Variants in ENTREP2 observed in about 807,000 individuals in gnomAD.
ENTREP2 encodes the protein protein ENTREP2.
chr15:29,119,200 C>T, the ENTREP2 span, among the ~76,000 whole-genome samples: 2 of 152,220 alleles, frequency 1.3e-5, no homozygotes, highest in African/African-American at 4.8e-5. Context: ...GAAAGCTGTT[C>T]CATAGGAGAC....
At chr15:29,664,428 C>T in the ENTREP2 span, among the ~76,000 whole-genome samples, 2 of 151,846 alleles carry the variant, frequency 1.3e-5, no homozygotes, top group African/African-American at 2.4e-5. Context: ...TGGAAAGAGA[C>T]TCTTTATTTT....
the ENTREP2 span, among the ~76,000 whole-genome samples, chr15:29,503,715 T>C: frequency 6.6e-6 from 1 of 152,176 alleles, no homozygotes; most frequent in Non-Finnish European, 1.5e-5. Flanking sequence ...TATAAAATTA[T>C]CATACTAATA....
At chr15:29,327,548 T>C in the ENTREP2 span, among the ~76,000 whole-genome samples, 319 of 150,292 alleles carry the variant, frequency 2.1e-3, 8 homozygotes, top group East Asian at 0.048. Flanking sequence ...TGAGCCGAGA[T>C]TGCAACACTG....
At chr15:29,229,719 A>C in the ENTREP2 span, among the ~76,000 whole-genome samples, 7 of 151,952 alleles carry the variant, frequency 4.6e-5, no homozygotes, top group Non-Finnish European at 1.0e-4. Context: ...CTTCTCTATC[A>C]TTCCTGTTTG....
the ENTREP2 span, among the ~76,000 whole-genome samples, chr15:29,289,991 TAAG>T: frequency 6.6e-6 from 1 of 152,202 alleles, no homozygotes; most frequent in Admixed American, 6.5e-5. Context: ...TGTACAGCAA[TAAG>T]AAGGAGGAAC....
At chr15:29,479,331 A>G in the ENTREP2 span, among the ~76,000 whole-genome samples, 1 of 152,070 alleles carries the variant, frequency 6.6e-6, no homozygotes, top group African/African-American at 2.4e-5. Context: ...CCTCCCCAGA[A>G]GCAGATGCCG....
chr15:29,498,633 A>G, the ENTREP2 span, among the ~76,000 whole-genome samples: 1 of 152,046 alleles, frequency 6.6e-6, no homozygotes, highest in Non-Finnish European at 1.5e-5. Flanking sequence ...CTGCTGTTGA[A>G]TAGAATGTTC....
the ENTREP2 span, among the ~76,000 whole-genome samples, chr15:29,557,864 G>C: frequency 1.3e-5 from 2 of 152,140 alleles, no homozygotes; most frequent in African/African-American, 4.8e-5. Flanking sequence ...ATTATTCCCA[G>C]AAACCTGTGC....
chr15:29,391,576 T>C, the ENTREP2 span, among the ~76,000 whole-genome samples: 15 of 152,272 alleles, frequency 9.9e-5, no homozygotes, highest in African/African-American at 3.1e-4. Context: ...TCTGATGCAA[T>C]GCATGCTTCT....
the ENTREP2 span, among the ~76,000 whole-genome samples, chr15:29,305,990 C>G: frequency 6.6e-6 from 1 of 152,184 alleles, no homozygotes; most frequent in African/African-American, 2.4e-5. Flanking sequence ...GCAGCTCTAC[C>G]GAACTGGAAG....
the ENTREP2 span, among the ~76,000 whole-genome samples, chr15:29,273,105 AAG>A: frequency 6.6e-6 from 1 of 152,154 alleles, no homozygotes; most frequent in Non-Finnish European, 1.5e-5. Context: ...CCCCTTGGCC[AAG>A]AGGGGGTCTG....
chr15:29,159,040 C>T, the ENTREP2 span, among the ~76,000 whole-genome samples: 15 of 152,148 alleles, frequency 9.9e-5, no homozygotes, highest in South Asian at 2.1e-4. Flanking sequence ...GGACATTGAG[C>T]GGGTCGTGGT....
At chr15:29,452,329 G>A in the ENTREP2 span, among the ~76,000 whole-genome samples, 70,529 of 152,042 alleles carry the variant, frequency 0.46, 17,172 homozygotes, top group Non-Finnish European at 0.53. Context: ...AGAGAGCAGG[G>A]ATTTGGGGCA....
chr15:29,597,184 G>A, the ENTREP2 span, among the ~76,000 whole-genome samples: 2 of 151,858 alleles, frequency 1.3e-5, no homozygotes, highest in Admixed American at 1.3e-4. Flanking sequence ...TCTGTCGCTT[G>A]CTTTTTCCAG....
chr15:29,444,348 G>T, the ENTREP2 span, among the ~76,000 whole-genome samples: 1 of 152,122 alleles, frequency 6.6e-6, no homozygotes, highest in African/African-American at 2.4e-5. Flanking sequence ...TGAAATCACG[G>T]CTATCCGTTG....
At chr15:29,124,675 G>T in the ENTREP2 span, 2 of 1,549,940 alleles carry the variant, frequency 1.3e-6, no homozygotes, top group South Asian at 2.4e-5. Flanking sequence ...CTTTAGAAAA[G>T]AAGCGTCTCA....
chr15:29,597,867 A>G, the ENTREP2 span, among the ~76,000 whole-genome samples: 6 of 152,060 alleles, frequency 3.9e-5, no homozygotes, highest in Admixed American at 1.3e-4. Context: ...CATGTCTGTA[A>G]TCCCAGCATT....
chr15:29,146,807 C>T, the ENTREP2 span, among the ~76,000 whole-genome samples: 752 of 152,070 alleles, frequency 4.9e-3, 4 homozygotes, highest in African/African-American at 0.017. Context: ...TGGTGGCACA[C>T]GCTTGTAATC....
At chr15:29,655,807 C>T in the ENTREP2 span, among the ~76,000 whole-genome samples, 2 of 152,162 alleles carry the variant, frequency 1.3e-5, no homozygotes, top group African/African-American at 4.8e-5. Flanking sequence ...GGGTGGATCA[C>T]TTGAGGCCAG....
Sources: allele counts gnomAD v4.1 joint callset (sites outside exome capture counted in the v4.1 genomes callset), GRCh38; gene constraint gnomAD v4.1.1; transcripts MANE v1.5; gene names NCBI Gene and HGNC (gene_info 2026-07-23, HGNC 2026-07-21).